FHL2: variants seen among roughly 807,000 people sequenced by gnomAD.
The protein encoded by FHL2 is four and a half LIM domains 2, also known as four and a half LIM domains protein 2.
FHL2 carries 20 observed loss-of-function variants against 32.7 expected under a neutral mutation model. That is an observed-to-expected ratio of 0.61 (90% CI 0.43 to 0.89). FHL2 has a LOEUF of 0.89. Among genes scored for constraint, FHL2 ranks in the 40% least tolerant of loss-of-function variants. The pLI is 0.00. For synonymous variants in FHL2, 123 were observed against 128.1 expected (o/e 0.96, Z 0.27); for missense variants, 311 against 358.6 (o/e 0.87, Z 1.07).
intron 3 of FHL2, among the ~76,000 whole-genome samples, chr2:105,379,228 G>A (rs371305017): frequency 6.6e-6 from 1 of 152,216 alleles, no homozygotes; most frequent in African/African-American, 2.4e-5. Context: ...ACTACTGGCT[G>A]TAACAAGCAT....
intron 3 of FHL2, among the ~76,000 whole-genome samples, chr2:105,379,153 C>T (rs1266184836): frequency 6.6e-6 from 1 of 152,192 alleles, no homozygotes; most frequent in African/African-American, 2.4e-5. Flanking sequence ...ACGTACATCA[C>T]CATTGGGAAG....
chr2:105,387,041 A>G (rs1316291235), intron 2 of FHL2, among the ~76,000 whole-genome samples: 3 of 152,076 alleles, frequency 2.0e-5, no homozygotes, highest in Admixed American at 2.0e-4. Context: ...CTGAGATTAC[A>G]GGCGTGAGCC....
At chr2:105,394,284 A>C (rs916292030) in intron 2 of FHL2, among the ~76,000 whole-genome samples, 4 of 152,072 alleles carry the variant, frequency 2.6e-5, no homozygotes, top group African/African-American at 9.7e-5. Flanking sequence ...AGAATAATGG[A>C]TCAAGCCTTG....
intron 1 of FHL2, among the ~76,000 whole-genome samples, chr2:105,417,307 A>C (rs555236949): frequency 6.6e-6 from 1 of 151,548 alleles, no homozygotes; most frequent in African/African-American, 2.4e-5. Context: ...GCTTGAACCC[A>C]GGAGGCAGAG....
At chr2:105,397,014 T>TG (rs1441622221) in intron 1 of FHL2, 1 of 219,846 alleles carries the variant, frequency 4.5e-6, no homozygotes, top group Non-Finnish European at 8.8e-6. Context: ...TAGTCTGTTT[T>TG]TTTTTTTTTT....
At chr2:105,370,215 CA>C (rs373599124) in intron 4 of FHL2, among the ~76,000 whole-genome samples, 154 of 149,736 alleles carry the variant, frequency 1.0e-3, no homozygotes, top group African/African-American at 1.2e-3. Context: ...TCTACCCCCC[CA>C]AAAAAAAAAT....
At chr2:105,399,271 A>C, upstream of FHL2, 1 of 1,535,756 alleles carries the variant, frequency 6.5e-7, no homozygotes, top group Non-Finnish European at 8.7e-7. Context: ...TCTTGGGAGC[A>C]CAGTAGTTAT....
intron 2 of FHL2, among the ~76,000 whole-genome samples, chr2:105,389,040 T>C (rs912264839): frequency 3.3e-5 from 5 of 152,246 alleles, no homozygotes; most frequent in African/African-American, 9.6e-5. Flanking sequence ...CTGACAACTG[T>C]AAGCAAGGAA....
intron 4 of FHL2, among the ~76,000 whole-genome samples, chr2:105,371,576 C>CTCTCTCTCTCTCTCTCT (rs1553416147): frequency 6.6e-6 from 1 of 150,776 alleles, no homozygotes; most frequent in Non-Finnish European, 1.5e-5. Flanking sequence ...CTCTCTCTCT[C>CTCTCTCTCTCTCTCTCT]CTTATGTATG....
intron 2 of FHL2, among the ~76,000 whole-genome samples, chr2:105,396,280 A>T (rs1683124237): frequency 6.6e-6 from 1 of 152,174 alleles, no homozygotes; most frequent in East Asian, 1.9e-4. Context: ...CAGTCTGAAA[A>T]GAGGAGACTC....
intron 1 of FHL2, among the ~76,000 whole-genome samples, chr2:105,426,044 G>A (rs1476793012): frequency 6.6e-6 from 1 of 152,100 alleles, no homozygotes; most frequent in Non-Finnish European, 1.5e-5. Flanking sequence ...TGGAGGGGCA[G>A]GCCACTCCTT....
chr2:105,405,411 G>A (rs1300935451), intron 1 of FHL2, among the ~76,000 whole-genome samples: 1 of 152,066 alleles, frequency 6.6e-6, no homozygotes, highest in Non-Finnish European at 1.5e-5. Flanking sequence ...TCCTCAGAAT[G>A]TTTATGTTAT....
At chr2:105,379,468 C>A (rs1239083350) in intron 3 of FHL2, among the ~76,000 whole-genome samples, 1 of 152,152 alleles carries the variant, frequency 6.6e-6, no homozygotes, top group African/African-American at 2.4e-5. Flanking sequence ...ATCTAAAATT[C>A]TTTTTCTTAA....
chr2:105,393,956 A>G (rs964650417), intron 2 of FHL2, among the ~76,000 whole-genome samples: 2 of 152,184 alleles, frequency 1.3e-5, no homozygotes, highest in Admixed American at 1.3e-4. Context: ...GCCAGCTGGG[A>G]GTCGTGCCCA....
At chr2:105,414,705 A>T (rs2104660309) in intron 1 of FHL2, among the ~76,000 whole-genome samples, 1 of 152,234 alleles carries the variant, frequency 6.6e-6, no homozygotes, top group East Asian at 1.9e-4. Flanking sequence ...GGCACACGCT[A>T]CCATGTCCAG....
At chr2:105,370,500 A>G (rs549001578) in intron 4 of FHL2, among the ~76,000 whole-genome samples, 3 of 152,136 alleles carry the variant, frequency 2.0e-5, no homozygotes, top group South Asian at 4.1e-4. Context: ...GGGGCGCGAG[A>G]GCCGGTAAAC....
At chr2:105,423,871 TG>T (rs1340560209) in intron 1 of FHL2, among the ~76,000 whole-genome samples, 1 of 152,114 alleles carries the variant, frequency 6.6e-6, no homozygotes, top group Admixed American at 6.5e-5. Context: ...GTACAAAAAT[TG>T]ACTCAAGATG....
At chr2:105,404,653 T>C (rs1276828288) in intron 1 of FHL2, among the ~76,000 whole-genome samples, 1 of 152,226 alleles carries the variant, frequency 6.6e-6, no homozygotes. Context: ...AGGAACGATC[T>C]TGCAGGATCC....
chr2:105,431,861 A>G lies in FHL2; in HGVS notation c.-25+6538T>C, dbSNP rs546698346. Among the ~76,000 whole-genome samples the G allele has an allele frequency of 5.2e-4, 79 of 152,352 alleles. 1 individual carries two copies. The East Asian group carries it at 0.013, about 25-fold the overall frequency. On this transcript the variant is annotated intron_variant, in intron 1 of 5. Coordinates refer to the FHL2 transcript ENST00000393352. ...GCTGACACTTCCCAGGAAAGAGTGA[A>G]GCACAGCAGACAAAAGTAGAAGCAG...
Sources: gnomAD v4.1 joint callset for allele counts (sites outside exome capture counted in the v4.1 genomes callset) on GRCh38, gnomAD v4.1.1 for gene constraint, MANE v1.5 for transcripts, NCBI Gene and HGNC (gene_info 2026-07-23, HGNC 2026-07-21) for gene names.